Variants in NKAIN2 observed in about 807,000 individuals in gnomAD.
NKAIN2 encodes sodium/potassium-transporting ATPase subunit beta-1-interacting protein 2.
A neutral mutation model predicts 32.6 loss-of-function variants in NKAIN2; 14 were observed. That is an observed-to-expected ratio of 0.43 (90% CI 0.28 to 0.67). The LOEUF (loss-of-function observed/expected upper bound fraction) is 0.67, where lower values mean the gene tolerates loss of function less well. Ranked by LOEUF, NKAIN2 falls within the 30% of genes least tolerant of loss-of-function variation. The probability of loss-of-function intolerance (pLI) is 0.17; values close to 1 mark genes in which losing one functional copy is unlikely to be tolerated. For synonymous variants in NKAIN2, 80 were observed against 87.2 expected (o/e 0.92, Z 0.46); for missense variants, 198 against 258.3 (o/e 0.77, Z 1.60).
intron 3 of NKAIN2, among the ~76,000 whole-genome samples, chr6:124,592,326 G>A (rs1458029743): frequency 3.3e-5 from 5 of 152,012 alleles, no homozygotes; most frequent in African/African-American, 9.7e-5. Flanking sequence ...TTCTTCACTG[G>A]TATCTATTAC....
At chr6:124,266,587 T>C (rs1018552402) in intron 1 of NKAIN2, among the ~76,000 whole-genome samples, 1 of 152,184 alleles carries the variant, frequency 6.6e-6, no homozygotes, top group Admixed American at 6.5e-5. Context: ...ACTGATTTAA[T>C]TGAACTTTTT....
intron 4 of NKAIN2, among the ~76,000 whole-genome samples, chr6:124,671,496 T>A (rs1383271440): frequency 2.0e-5 from 3 of 152,078 alleles, no homozygotes; most frequent in Non-Finnish European, 4.4e-5. Context: ...TTACACAGGA[T>A]TTTCTTCTCA....
Position 124,512,837 on chromosome 6 carries a change from T to C in NKAIN2, c.274-145349T>C, listed in dbSNP as rs1189523363. Among the ~76,000 whole-genome samples the C allele has an allele frequency of 5.3e-5, 8 of 152,312 alleles. No individual in the cohort carries two copies. The East Asian group carries it at 1.5e-3, about 29-fold the overall frequency. On this transcript the variant is annotated intron_variant, in intron 3 of 6. Coordinates refer to ENST00000368417, the MANE Select transcript of NKAIN2 (RefSeq NM_001040214.3). ...TCTGGGTTTGTATATTGTGTCATTGTTACTGATAGGAGGGACGGTTAGTTA... is the reference window on the plus strand; with the variant it reads ...TCTGGGTTTGTATATTGTGTCATTGCTACTGATAGGAGGGACGGTTAGTTA...
chr6:124,224,190 C>T (rs979570476), intron 1 of NKAIN2, among the ~76,000 whole-genome samples: 1 of 152,114 alleles, frequency 6.6e-6, no homozygotes, highest in East Asian at 1.9e-4. Context: ...CACATATTTT[C>T]ATGCATTCAC....
intron 3 of NKAIN2, among the ~76,000 whole-genome samples, chr6:124,472,768 A>C (rs1231995882): frequency 1.3e-5 from 2 of 151,970 alleles, no homozygotes; most frequent in African/African-American, 4.8e-5. Flanking sequence ...CTTTTTAAGG[A>C]GATTTTTTAG....
At chr6:124,631,737 C>A (rs898736582) in intron 3 of NKAIN2, among the ~76,000 whole-genome samples, 18 of 152,124 alleles carry the variant, frequency 1.2e-4, no homozygotes, top group African/African-American at 4.3e-4. Context: ...CTTTTGATGT[C>A]TCTTTAATTA....
intron 1 of NKAIN2, among the ~76,000 whole-genome samples, chr6:124,127,126 A>G (rs1786213240): frequency 6.6e-6 from 1 of 152,214 alleles, no homozygotes; most frequent in Non-Finnish European, 1.5e-5. Flanking sequence ...TATAGACTTA[A>G]CATTTGGGCA....
At position 124,763,193 on chromosome 6, in the gene NKAIN2, G is replaced by T. The variant is rs553968470; in HGVS notation, c.475-28146G>T. Among the ~76,000 whole-genome samples, 5 of 152,310 alleles carry T rather than the reference G, an allele frequency of 3.3e-5. No individual in the cohort carries two copies. In the East Asian group the frequency reaches 7.7e-4, roughly 24 times the overall value. On this transcript the variant is annotated intron_variant, in intron 4 of 6. Coordinates refer to ENST00000368417, the MANE Select transcript of NKAIN2 (RefSeq NM_001040214.3). ...AAACATTCAAACTTTTAGTTAGACA[G>T]AAGGAATAAATTCAAGAGATCTATT...
At chr6:124,700,766 A>G (rs932569053) in intron 4 of NKAIN2, among the ~76,000 whole-genome samples, 5 of 151,912 alleles carry the variant, frequency 3.3e-5, no homozygotes, top group Admixed American at 6.6e-5. Context: ...GTGCCCTAAT[A>G]CAGAAGCTCA....
intron 4 of NKAIN2, among the ~76,000 whole-genome samples, chr6:124,725,648 T>G (rs1776247534): frequency 6.6e-6 from 1 of 152,168 alleles, no homozygotes; most frequent in South Asian, 2.1e-4. Context: ...GGGCAATCAG[T>G]TGTTTAAACT....
chr6:124,532,666 C>G (rs1779568005), intron 3 of NKAIN2, among the ~76,000 whole-genome samples: 1 of 152,176 alleles, frequency 6.6e-6, no homozygotes, highest in Non-Finnish European at 1.5e-5. Context: ...CATGTAGACT[C>G]CCAGATGCTG....
intron 1 of NKAIN2, among the ~76,000 whole-genome samples, chr6:124,276,958 G>A (rs1025536951): frequency 1.3e-5 from 2 of 152,084 alleles, no homozygotes; most frequent in African/African-American, 2.4e-5. Flanking sequence ...CAAGGTTAAC[G>A]CAAAATTAGC....
chr6:124,476,480 G>A (rs903208838), intron 3 of NKAIN2, among the ~76,000 whole-genome samples: 2 of 151,242 alleles, frequency 1.3e-5, no homozygotes, highest in African/African-American at 4.9e-5. Context: ...ATTTTTGACA[G>A]GCATGTTTAA....
chr6:124,514,355 C>A (rs1778826178), intron 3 of NKAIN2, among the ~76,000 whole-genome samples: 1 of 152,096 alleles, frequency 6.6e-6, no homozygotes, highest in Non-Finnish European at 1.5e-5. Context: ...CTGGGCTATC[C>A]CAGCAAGCCT....
chr6:124,190,142 G>T (rs992904146), intron 1 of NKAIN2, among the ~76,000 whole-genome samples: 4 of 152,186 alleles, frequency 2.6e-5, no homozygotes, highest in African/African-American at 9.6e-5. Flanking sequence ...ACGTATGGTG[G>T]CCCTGTCTTC....
intron 3 of NKAIN2, among the ~76,000 whole-genome samples, chr6:124,435,580 C>G (rs1352329946): frequency 2.0e-5 from 3 of 152,134 alleles, no homozygotes; most frequent in Non-Finnish European, 4.4e-5. Flanking sequence ...TTCCCACAGT[C>G]TCACAGCTAG....
At chr6:124,612,033 C>G (rs938797069) in intron 3 of NKAIN2, among the ~76,000 whole-genome samples, 9 of 151,914 alleles carry the variant, frequency 5.9e-5, no homozygotes, top group Non-Finnish European at 4.4e-5. Flanking sequence ...AGCCCTCTTA[C>G]TTAGAATTAC....
At chr6:123,827,725 AGTT>A (rs1774206398) in intron 1 of NKAIN2, among the ~76,000 whole-genome samples, 2 of 152,250 alleles carry the variant, frequency 1.3e-5, no homozygotes, top group South Asian at 4.1e-4. Flanking sequence ...ATGTTTTCCA[AGTT>A]GTTTCAAATT....
intron 1 of NKAIN2, among the ~76,000 whole-genome samples, chr6:123,959,281 A>G (rs1360936367): frequency 1.3e-5 from 2 of 152,150 alleles, no homozygotes; most frequent in Admixed American, 6.5e-5. Context: ...TGCCTCTTTA[A>G]TATCATGGAG....
Sources: gnomAD v4.1 joint callset for allele counts (sites outside exome capture counted in the v4.1 genomes callset) on GRCh38, gnomAD v4.1.1 for gene constraint, MANE v1.5 for transcripts, NCBI Gene and HGNC (gene_info 2026-07-23, HGNC 2026-07-21) for gene names.